The following SYT14 variants were observed in gnomAD, a reference collection of about 807,000 sequenced individuals.
SYT14 encodes the protein synaptotagmin 14, also known as synaptotagmin-14.
A neutral mutation model predicts 74.2 loss-of-function variants in SYT14; 32 were observed. The observed-to-expected ratio is 0.43, with a 90% CI of 0.33 to 0.58. The LOEUF (loss-of-function observed/expected upper bound fraction) is 0.58. Among genes scored for constraint, SYT14 ranks in the 20% least tolerant of loss-of-function variants. The pLI, the probability that SYT14 is intolerant of heterozygous loss-of-function variation, is 0.05. For synonymous variants in SYT14, 298 were observed against 337.7 expected (o/e 0.88, Z 1.29); for missense variants, 791 against 981.8 (o/e 0.81, Z 2.60).
intron 5 of SYT14, among the ~76,000 whole-genome samples, chr1:210,022,431 CAT>C (rs1367293486): frequency 6.6e-6 from 1 of 152,166 alleles, no homozygotes; most frequent in Non-Finnish European, 1.5e-5. Flanking sequence ...GAAAATAAGA[CAT>C]GTGCTTACTA....
At chr1:210,086,040 A>T (rs965947151) in intron 5 of SYT14, among the ~76,000 whole-genome samples, 7 of 152,212 alleles carry the variant, frequency 4.6e-5, no homozygotes, top group Non-Finnish European at 8.8e-5. Context: ...TTTTAAAATA[A>T]GGATTCAATT....
chr1:210,031,703 A>G (rs1396000038), intron 5 of SYT14, among the ~76,000 whole-genome samples: 2 of 152,124 alleles, frequency 1.3e-5, no homozygotes, highest in Non-Finnish European at 2.9e-5. Context: ...AGTTGTTTAT[A>G]ATATTCCTTT....
At chr1:210,161,056 C>T in exon 10 of SYT14, 1 of 1,612,444 alleles carries the variant, frequency 6.2e-7, no homozygotes, top group Non-Finnish European at 8.5e-7. Context: ...ATAGAATAAG[C>T]AAGCAGTTAC....
intron 5 of SYT14, among the ~76,000 whole-genome samples, chr1:210,058,661 C>G (rs2081144627): frequency 6.6e-6 from 1 of 152,106 alleles, no homozygotes; most frequent in African/African-American, 2.4e-5. Flanking sequence ...AAGAAACCAC[C>G]ATATCAGCAA....
At chr1:210,015,984 T>C (rs1572161684) in exon 4 of SYT14, 2 of 1,232,014 alleles carry the variant, frequency 1.6e-6, no homozygotes, top group East Asian at 6.3e-5. Flanking sequence ...TTGCACCTTT[T>C]AGGAACAAGG....
At chr1:209,982,805 T>C (rs1196586265) in intron 2 of SYT14, among the ~76,000 whole-genome samples, 2 of 152,222 alleles carry the variant, frequency 1.3e-5, no homozygotes, top group Non-Finnish European at 2.9e-5. Flanking sequence ...CCATGTTGCA[T>C]TTACGGCAGC....
chr1:210,130,586 G>A (rs1364351247), intron 7 of SYT14, among the ~76,000 whole-genome samples: 1 of 152,170 alleles, frequency 6.6e-6, no homozygotes, highest in Non-Finnish European at 1.5e-5. Context: ...TATCCACAAG[G>A]CCATTTTTAC....
intron 5 of SYT14, among the ~76,000 whole-genome samples, chr1:210,046,038 T>C (rs2102360309): frequency 6.6e-6 from 1 of 152,346 alleles, no homozygotes; most frequent in Non-Finnish European, 1.5e-5. Context: ...TTTCACTAAG[T>C]ATTTTTAAAT....
chr1:209,951,065 C>T (rs1455997025), intron 1 of SYT14, among the ~76,000 whole-genome samples: 1 of 152,138 alleles, frequency 6.6e-6, no homozygotes, highest in African/African-American at 2.4e-5. Flanking sequence ...TATATGGATA[C>T]ATTGTGAAAT....
chr1:209,938,312 G>GGAC lies in SYT14; in HGVS notation c.-534+36_-534+38dup. 5 of 1,543,052 alleles carry GGAC rather than the reference G, an allele frequency of 3.2e-6. 1 individual carries two copies. In the South Asian group the frequency reaches 5.8e-5, roughly 18 times the overall value. Reference sequence around the variant, plus strand: ...GGCTGACAGCGGGGAGCGAGGACCGGGACCACCCAGCTGGCGGGGGGCTCG... The same window carrying GGAC: ...GGCTGACAGCGGGGAGCGAGGACCGGGACGACCACCCAGCTGGCGGGGGGCTCG... On this transcript the variant is annotated intron_variant, in intron 1 of 9. Coordinates refer to ENST00000637265, the Ensembl canonical transcript of SYT14.
In SYT14 at chr1:209,981,353, G is replaced by T. The variant is rs144613116; in HGVS notation, c.-486+28597G>T. Among the ~76,000 whole-genome samples the T allele has an allele frequency of 1.2e-3, 183 of 151,090 alleles. 2 individuals are homozygous for T. Among genetic ancestry groups the T allele is most frequent in the Admixed American group, 7.6e-3 (116 of 15,226 alleles). The stretch of plus-strand genomic sequence containing the variant: ...CTTAGTGCTTGCTTGGTTGGAAAAA[G>T]ATTTTATTTTTTCTTTGCATATGAA... On this transcript the variant is annotated intron_variant, in intron 2 of 9. Coordinates refer to ENST00000637265, the Ensembl canonical transcript of SYT14.
At chr1:210,110,997 G>A (rs1318035517) in intron 7 of SYT14, among the ~76,000 whole-genome samples, 6 of 152,158 alleles carry the variant, frequency 3.9e-5, no homozygotes, top group Non-Finnish European at 8.8e-5. Context: ...GCCTGCCTTG[G>A]TCTCCCAGAG....
intron 5 of SYT14, among the ~76,000 whole-genome samples, chr1:210,034,222 T>G (rs1372687068): frequency 1.3e-5 from 2 of 151,702 alleles, no homozygotes; most frequent in African/African-American, 2.4e-5. Flanking sequence ...TTAATACAAG[T>G]GTATGGCAGG....
intron 5 of SYT14, among the ~76,000 whole-genome samples, chr1:210,046,458 A>G (rs2080887100): frequency 6.6e-6 from 1 of 152,036 alleles, no homozygotes; most frequent in Admixed American, 6.6e-5. Flanking sequence ...TGGTATAGCT[A>G]TTACCGTAAG....
chr1:210,100,291 C>A, exon 7 of SYT14: 1 of 1,614,044 alleles, frequency 6.2e-7, no homozygotes, highest in Non-Finnish European at 8.5e-7. Context: ...TAAATTTAAT[C>A]ATGTTGAATC....
At chr1:210,007,910 A>G (rs2080017890) in intron 2 of SYT14, among the ~76,000 whole-genome samples, 1 of 152,180 alleles carries the variant, frequency 6.6e-6, no homozygotes, top group South Asian at 2.1e-4. Context: ...TTGAGTGTTA[A>G]ATTTTAAAAT....
intron 5 of SYT14, among the ~76,000 whole-genome samples, chr1:210,064,434 A>G (rs1232753353): frequency 6.6e-6 from 1 of 151,744 alleles, no homozygotes; most frequent in Non-Finnish European, 1.5e-5. Flanking sequence ...CATTTCCTCT[A>G]CCCCTTAGTC....
chr1:210,126,924 T>A (rs2082580919), intron 7 of SYT14, among the ~76,000 whole-genome samples: 1 of 152,220 alleles, frequency 6.6e-6, no homozygotes, highest in South Asian at 2.1e-4. Context: ...TTTAACAGTT[T>A]ACTAAATTGT....
chr1:210,098,867 A>AGATG (rs1380288857), intron 6 of SYT14, among the ~76,000 whole-genome samples: 7 of 151,970 alleles, frequency 4.6e-5, no homozygotes, highest in African/African-American at 1.7e-4. Context: ...TTTTTAGTAG[A>AGATG]GATGGCCATG....
Sources: allele counts gnomAD v4.1 joint callset (sites outside exome capture counted in the v4.1 genomes callset), GRCh38; gene constraint gnomAD v4.1.1; transcripts MANE v1.5; gene names NCBI Gene and HGNC (gene_info 2026-07-23, HGNC 2026-07-21).